The following SEMA5A variants were observed in gnomAD, a reference collection of about 807,000 sequenced individuals.
The protein encoded by SEMA5A is semaphorin 5A, also known as semaphorin-5A.
A neutral mutation model predicts 135.5 loss-of-function variants in SEMA5A; 55 were observed. The observed-to-expected ratio is 0.41, with a 90% CI of 0.33 to 0.51. The LOEUF is 0.51. Among genes scored for constraint, SEMA5A ranks in the 20% least tolerant of loss-of-function variants. The pLI is 0.37. For missense variants in SEMA5A, 1,290 were observed against 1,419.9 expected (o/e 0.91, Z 1.47); for synonymous variants, 580 against 546.5 (o/e 1.06, Z -0.85).
chr5:9,367,445 T>C (rs1395566143), intron 3 of SEMA5A: 2 of 152,208 alleles, frequency 1.3e-5, no homozygotes, highest in African/African-American at 4.8e-5. Context: ...AGGCTAAATA[T>C]GTATCTCTCT....
chr5:9,301,956 G>T (rs1174954410), intron 5 of SEMA5A, among the ~76,000 whole-genome samples: 1 of 151,974 alleles, frequency 6.6e-6, no homozygotes, highest in Non-Finnish European at 1.5e-5. Flanking sequence ...CCCTAGGAGG[G>T]CCTAGGGGAG....
intron 5 of SEMA5A, among the ~76,000 whole-genome samples, chr5:9,299,977 G>T (rs190318601): frequency 1.7e-4 from 26 of 152,000 alleles, no homozygotes; most frequent in African/African-American, 5.3e-4. Flanking sequence ...GTACTGAAAT[G>T]ACATCCAAAA....
intron 12 of SEMA5A, among the ~76,000 whole-genome samples, chr5:9,154,057 AAAAAAATATATAT>A (rs1442602935): frequency 4.0e-5 from 2 of 50,436 alleles, no homozygotes; most frequent in African/African-American, 9.3e-5. Flanking sequence ...AAAAAAAAAA[AAAAAAATATATAT>A]ATATATATAT....
chr5:9,272,593 G>T (rs528822382), intron 5 of SEMA5A, among the ~76,000 whole-genome samples: 4 of 152,184 alleles, frequency 2.6e-5, no homozygotes, highest in African/African-American at 9.7e-5. Flanking sequence ...GGGGCCGACA[G>T]ACACCTCATA....
intron 16 of SEMA5A, among the ~76,000 whole-genome samples, chr5:9,073,719 C>T (rs1283699853): frequency 6.6e-6 from 1 of 150,978 alleles, no homozygotes; most frequent in East Asian, 1.9e-4. Flanking sequence ...TGGAGTCTAC[C>T]AAAAAAAAGC....
At chr5:9,363,913 G>A (rs534164220) in intron 3 of SEMA5A, among the ~76,000 whole-genome samples, 2 of 152,292 alleles carry the variant, frequency 1.3e-5, no homozygotes, top group South Asian at 4.1e-4. Flanking sequence ...CAGAAAACAT[G>A]GGGCATATGG....
chr5:9,055,106 C>T (rs1736818855), intron 18 of SEMA5A, among the ~76,000 whole-genome samples: 1 of 152,096 alleles, frequency 6.6e-6, no homozygotes, highest in South Asian at 2.1e-4. Flanking sequence ...TCAGGTGGCC[C>T]ACCTGAATCT....
chr5:9,513,375 T>C (rs765052109), intron 1 of SEMA5A, among the ~76,000 whole-genome samples: 3 of 152,154 alleles, frequency 2.0e-5, no homozygotes. Context: ...CAAATTTCTT[T>C]AAAAGGAAAA....
chr5:9,210,028 C>A (rs780403951), intron 8 of SEMA5A, among the ~76,000 whole-genome samples: 1 of 152,172 alleles, frequency 6.6e-6, no homozygotes, highest in Non-Finnish European at 1.5e-5. Context: ...TTCTAGTACA[C>A]GTCTGCATGA....
At chr5:9,305,876 AATTGCACTACTGTCTTCTTCCAGC>A (rs1347057581) in intron 5 of SEMA5A, among the ~76,000 whole-genome samples, 1 of 152,014 alleles carries the variant, frequency 6.6e-6, no homozygotes, top group Non-Finnish European at 1.5e-5. Flanking sequence ...CATCTTCCAG[AATTGCACTACTGTCTTCTTCCAGC>A]ATGGCAGAGG....
chr5:9,415,204 T>C (rs1757242042), intron 2 of SEMA5A, among the ~76,000 whole-genome samples: 1 of 152,228 alleles, frequency 6.6e-6, no homozygotes, highest in Non-Finnish European at 1.5e-5. Context: ...TTTCCAGAAA[T>C]ACTGCTTTCT....
chr5:9,226,404 G>T (rs190665293), intron 7 of SEMA5A, among the ~76,000 whole-genome samples: 1 of 151,316 alleles, frequency 6.6e-6, no homozygotes, highest in Non-Finnish European at 1.5e-5. Flanking sequence ...ACTTTGCCTA[G>T]GGTGCAATTT....
intron 1 of SEMA5A, among the ~76,000 whole-genome samples, chr5:9,484,464 A>G (rs764768773): frequency 6.6e-6 from 1 of 152,248 alleles, no homozygotes; most frequent in African/African-American, 2.4e-5. Flanking sequence ...CTTTGAAGTC[A>G]ATGACACTAA....
intron 4 of SEMA5A, among the ~76,000 whole-genome samples, chr5:9,334,675 G>A (rs556977150): frequency 6.6e-4 from 100 of 152,210 alleles, no homozygotes; most frequent in African/African-American, 2.3e-3. Flanking sequence ...ACTTAGGTAG[G>A]GGCCAGCCTC....
chr5:9,190,391 A>G lies in SEMA5A; in HGVS notation c.1149T>C (p.His383=), dbSNP rs774608586. 1.3e-5 allele frequency: 21 copies of G among 1,613,760 alleles called. No homozygotes were observed. Among genetic ancestry groups the G allele is most frequent in the Non-Finnish European group, 1.8e-5 (21 of 1,179,896 alleles). The change falls in exon 11 of 23, where the codon CAT becomes CAC. Residue 383 remains histidine (H), a synonymous_variant. Transcript: ENST00000382496. The stretch of plus-strand genomic sequence containing the variant: ...CTGTGGTCACTGGCTGTACCACCTC[A>G]TGCATCAGAATGAACTTCTGAGCAT... The part of the protein sequence containing the change: ...LQDAQKFILM[H]EVVQPVTTVP...
chr5:9,086,820 T>G (rs1205299078), intron 16 of SEMA5A, among the ~76,000 whole-genome samples: 1 of 152,250 alleles, frequency 6.6e-6, no homozygotes, highest in Admixed American at 6.5e-5. Flanking sequence ...TTATGACCAT[T>G]TCTTTCTGAA....
intron 2 of SEMA5A, among the ~76,000 whole-genome samples, chr5:9,405,702 C>T (rs1220793991): frequency 2.0e-5 from 3 of 152,200 alleles, no homozygotes; most frequent in Admixed American, 2.0e-4. Flanking sequence ...ATGCTGGGTG[C>T]ACAGCTAATG....
At chr5:9,214,458 A>C (rs1746507324) in intron 8 of SEMA5A, among the ~76,000 whole-genome samples, 1 of 152,180 alleles carries the variant, frequency 6.6e-6, no homozygotes. Flanking sequence ...GTGTCATAAG[A>C]AATTGCACCT....
intron 16 of SEMA5A, among the ~76,000 whole-genome samples, chr5:9,092,294 A>G (rs528903152): frequency 2.6e-5 from 4 of 152,242 alleles, no homozygotes; most frequent in African/African-American, 9.6e-5. Flanking sequence ...AAAAGGGCTC[A>G]AGGCCATTAT....
Sources: allele counts gnomAD v4.1 joint callset (sites outside exome capture counted in the v4.1 genomes callset), GRCh38; gene constraint gnomAD v4.1.1; transcripts MANE v1.5; gene names NCBI Gene and HGNC (gene_info 2026-07-23, HGNC 2026-07-21).